Variants in XCR1 observed in about 807,000 individuals in gnomAD.
XCR1 encodes X-C motif chemokine receptor 1.
For synonymous variants in XCR1, 187 were observed against 188.5 expected, an observed-to-expected ratio of 0.99 and a Z score of 0.06; for missense variants, 356 against 424.2, an observed-to-expected ratio of 0.84 and a Z score of 1.41.
At chr3:46,052,966 GA>G (rs749811789) in intron 5 of XCR1, among the ~76,000 whole-genome samples, 6 of 152,156 alleles carry the variant, frequency 3.9e-5, no homozygotes, top group Non-Finnish European at 8.8e-5. Flanking sequence ...CAGCATTTGT[GA>G]GTATCATTTC....
rs927765425 is a variant in XCR1 at position 46,026,655 on chromosome 3, T to C, written c.-32+762A>G. On this transcript the variant is annotated intron_variant, in intron 1 of 1. Transcript: ENST00000309285. ...TGGAGTGCAGTGGTGTGATCTTGGC[T>C]CACTGCAAGCTCCGTCTCCCAGATT... Among the ~76,000 whole-genome samples the C allele has an allele frequency of 5.9e-5, 9 of 151,362 alleles. 1 individual carries two copies. Among genetic ancestry groups the C allele is most frequent in the African/African-American group, 2.2e-4 (9 of 41,126 alleles).
At chr3:46,082,807 C>T (rs1243978720) in intron 1 of XCR1, among the ~76,000 whole-genome samples, 4 of 152,212 alleles carry the variant, frequency 2.6e-5, no homozygotes, top group South Asian at 2.1e-4. Context: ...CTGTTTTTGC[C>T]GTCCCTGATA....
At chr3:46,080,273 C>A (rs1050785126) in intron 1 of XCR1, among the ~76,000 whole-genome samples, 3 of 152,066 alleles carry the variant, frequency 2.0e-5, no homozygotes, top group Admixed American at 2.0e-4. Flanking sequence ...ATAAAAATTC[C>A]TGGTCATGCC....
rs931060055 is a variant in XCR1, at chr3:46,027,133, G to A, written c.-32+284C>T. ...CTCAAGAAATCTGCCAGGCCAATCC[G>A]GAACTCCTGGACTTAAGCAATCTGC... is the stretch of plus-strand genomic sequence containing the variant. On this transcript the variant is annotated intron_variant, in intron 1 of 1. Coordinates refer to ENST00000309285, the MANE Select transcript of XCR1 (RefSeq NM_001024644.2). Among the ~76,000 whole-genome samples the A allele has an allele frequency of 9.9e-5, 15 of 151,486 alleles. 1 individual carries two copies. In the East Asian group the frequency reaches 1.8e-3, roughly 18 times the overall value.
intron 5 of XCR1, among the ~76,000 whole-genome samples, chr3:46,034,491 T>C (rs1017170913): frequency 2.6e-5 from 4 of 152,076 alleles, no homozygotes; most frequent in African/African-American, 9.7e-5. Context: ...TTCAGTACAA[T>C]GTTGAATAGG....
upstream of XCR1, among the ~76,000 whole-genome samples, chr3:46,030,164 AC>A (rs555828727): frequency 1.6e-4 from 25 of 151,718 alleles, no homozygotes; most frequent in Non-Finnish European, 3.2e-4. Context: ...TTTTCCCCCC[AC>A]CGTGTTTAGT....
intron 3 of XCR1, among the ~76,000 whole-genome samples, chr3:46,070,654 T>C (rs1698148788): frequency 6.6e-6 from 1 of 152,128 alleles, no homozygotes; most frequent in Non-Finnish European, 1.5e-5. Context: ...TCAGTATATA[T>C]GTGTCTACCA....
chr3:46,024,376 A>C (rs572039697), intron 1 of XCR1, among the ~76,000 whole-genome samples: 3 of 152,334 alleles, frequency 2.0e-5, no homozygotes, highest in African/African-American at 7.2e-5. Context: ...GACTTGAGCT[A>C]ATGATTCCAA....
intron 1 of XCR1, among the ~76,000 whole-genome samples, chr3:46,024,718 T>C (rs1708253399): frequency 1.3e-5 from 2 of 152,220 alleles, no homozygotes; most frequent in Admixed American, 6.5e-5. Context: ...TTGTTAGTTA[T>C]GCTTTTTTAA....
At chr3:46,023,948 C>G in intron 1 of XCR1, 1 of 1,467,722 alleles carries the variant, frequency 6.8e-7, no homozygotes, top group South Asian at 1.2e-5. Flanking sequence ...GATGTAGATG[C>G]TGATTTTGTA....
intron 2 of XCR1, among the ~76,000 whole-genome samples, chr3:46,075,254 G>A (rs1698236785): frequency 6.9e-6 from 1 of 143,990 alleles, no homozygotes. Context: ...AAGTCAATGA[G>A]GGAAGGATAG....
At chr3:46,062,522 T>G (rs1575433870) in intron 4 of XCR1, among the ~76,000 whole-genome samples, 1 of 152,256 alleles carries the variant, frequency 6.6e-6, no homozygotes. Context: ...GGATCCTTTT[T>G]CCTTCCCCCT....
chr3:46,021,325 A>T lies in XCR1; in HGVS notation c.623T>A (p.Ile208Asn), dbSNP rs1226656524. ...GCGTGAGCGGAACAGGGTCCTGAGG[A>T]TCTCCACGTAGCAGAACAGGATAAT... ...LGIILFCYVE[I>N]LRTLFRSRSK... Residue 208 changes from isoleucine (I) to asparagine (N), a missense_variant, in exon 2 of 2, where the codon ATC (isoleucine) becomes AAC (asparagine). Transcript: ENST00000309285. The surrounding 1 kb of genome is among the most constrained non-coding windows in gnomAD (Gnocchi z 4.7). 6.2e-7 allele frequency: 1 copy of T among 1,614,152 alleles called. No individual in the cohort carries two copies. The highest frequency in any genetic ancestry group is 8.5e-7 in the Non-Finnish European group (1 of 1,180,032).
At chr3:46,022,415 C>T (rs1708175787) in intron 1 of XCR1, 1 of 157,864 alleles carries the variant, frequency 6.3e-6, no homozygotes, top group South Asian at 1.9e-4. Context: ...GTATTTTCCC[C>T]ACAAGAGATA....
At chr3:46,054,224 T>G (rs899845382) in intron 4 of XCR1, among the ~76,000 whole-genome samples, 1 of 151,578 alleles carries the variant, frequency 6.6e-6, no homozygotes. Flanking sequence ...AGCGAGAAGG[T>G]GGGTGTGGAA....
At chr3:46,082,601 C>T (rs2125905028) in intron 1 of XCR1, among the ~76,000 whole-genome samples, 1 of 151,206 alleles carries the variant, frequency 6.6e-6, no homozygotes, top group South Asian at 2.1e-4. Context: ...AGCAATCCTC[C>T]CGACTCAGCT....
At chr3:46,073,191 G>A (rs1456665425) in intron 3 of XCR1, among the ~76,000 whole-genome samples, 3 of 152,064 alleles carry the variant, frequency 2.0e-5, no homozygotes, top group South Asian at 2.1e-4. Context: ...TAGGAAAAAC[G>A]AGACATTGGT....
intron 4 of XCR1, among the ~76,000 whole-genome samples, chr3:46,060,732 G>C (rs1205898278): frequency 1.3e-5 from 2 of 152,192 alleles, no homozygotes; most frequent in Admixed American, 6.5e-5. Flanking sequence ...TCCTGGACCG[G>C]TGACTCCTGG....
chr3:46,037,438 A>G (rs927778462), intron 5 of XCR1, among the ~76,000 whole-genome samples: 16 of 152,130 alleles, frequency 1.1e-4, no homozygotes, highest in African/African-American at 3.9e-4. Flanking sequence ...GAAAAGAGAA[A>G]AATATTGTAT....
Sources: allele counts gnomAD v4.1 joint callset (sites outside exome capture counted in the v4.1 genomes callset), GRCh38; gene constraint gnomAD v4.1.1; non-coding constraint Gnocchi (gnomAD v3.1); transcripts MANE v1.5; gene names NCBI Gene and HGNC (gene_info 2026-07-23, HGNC 2026-07-21).